Variants in NFIA observed in about 807,000 individuals in gnomAD.
NFIA encodes the protein nuclear factor 1 A-type.
A neutral mutation model predicts 62.8 loss-of-function variants in NFIA; 8 were observed. The observed-to-expected ratio is 0.13, with a 90% confidence interval of 0.07 to 0.23. The LOEUF (loss-of-function observed/expected upper bound fraction) is 0.23. NFIA is among the 10% of genes least tolerant of loss of function. The pLI, the probability that NFIA is intolerant of heterozygous loss-of-function variation, is 1.00. For missense variants in NFIA, 410 were observed against 642.1 expected, an observed-to-expected ratio of 0.64 and a Z score of 3.91; for synonymous variants, 235 against 238.1, an observed-to-expected ratio of 0.99 and a Z score of 0.12.
At chr1:61,297,828 A>G (rs1659269239) in intron 3 of NFIA, among the ~76,000 whole-genome samples, 1 of 152,204 alleles carries the variant, frequency 6.6e-6, no homozygotes, top group African/African-American at 2.4e-5. Context: ...AGGGACAGGA[A>G]GCGGAAAGTT....
chr1:61,195,856 A>C lies in NFIA; in HGVS notation c.560-81664A>C, dbSNP rs536377888. 1.3e-4 allele frequency among the ~76,000 whole-genome samples: 20 copies of C among 152,280 alleles called. 1 individual carries two copies. The South Asian group carries it at 4.1e-3, about 32-fold the overall frequency. ...TTATTAACTTAGTTCTTGTGTGAGA[A>C]AGAAATGTGACGTATAAAGAAAGCA... On this transcript the variant is annotated intron_variant, in intron 2 of 10. Coordinates refer to ENST00000403491, the MANE Select transcript of NFIA (RefSeq NM_001134673.4).
chr1:61,162,738 G>T (rs1294340997), intron 2 of NFIA, among the ~76,000 whole-genome samples: 3 of 152,036 alleles, frequency 2.0e-5, no homozygotes, highest in African/African-American at 7.3e-5. Flanking sequence ...CGTAGCTGTG[G>T]TGTCTGCTGC....
intron 2 of NFIA, among the ~76,000 whole-genome samples, chr1:61,178,876 C>T (rs548412066): frequency 6.6e-6 from 1 of 152,322 alleles, no homozygotes; most frequent in South Asian, 2.1e-4. Context: ...GGCATATACT[C>T]AATAACGGAT....
Position 61,455,491 on chromosome 1 carries a change from G to A in NFIA, c.*171G>A, listed in dbSNP as rs1668260780. The A allele has an allele frequency of 2.0e-6, 2 of 1,024,882 alleles. No homozygotes were observed. The highest frequency in any genetic ancestry group is 1.5e-6 in the Non-Finnish European group (1 of 685,934). 63.5% of individuals were successfully genotyped at this position (1,024,882 alleles called of 1,614,324 possible). ...AAACAGCAAGCATTATGGTCAAACA[G>A]CAAAGGCCATAACCTTTTGGGATTT... On this transcript the variant is annotated 3_prime_UTR_variant, in exon 11 of 11. Transcript: ENST00000403491.
intron 2 of NFIA, among the ~76,000 whole-genome samples, chr1:61,166,510 A>G (rs535075848): frequency 6.6e-6 from 1 of 152,228 alleles, no homozygotes; most frequent in African/African-American, 2.4e-5. Context: ...TAAATGTATG[A>G]TAATGTACTT....
intron 10 of NFIA, among the ~76,000 whole-genome samples, chr1:61,450,615 T>C (rs1668015146): frequency 6.6e-6 from 1 of 152,188 alleles, no homozygotes; most frequent in Non-Finnish European, 1.5e-5. Context: ...TTCCGTTTTA[T>C]GTGTGTGAAT....
chr1:61,102,171 A>G (rs1421708348), intron 2 of NFIA, among the ~76,000 whole-genome samples: 1 of 152,222 alleles, frequency 6.6e-6, no homozygotes, highest in East Asian at 1.9e-4. Flanking sequence ...GAACACTGTA[A>G]ATAAAAATGG....
intron 2 of NFIA, among the ~76,000 whole-genome samples, chr1:61,110,064 G>A (rs1025331065): frequency 6.6e-6 from 1 of 151,618 alleles, no homozygotes; most frequent in African/African-American, 2.4e-5. Flanking sequence ...AGAGATAAGG[G>A]GGGCAGAGAG....
At chr1:61,337,495 G>A (rs1378832302) in intron 4 of NFIA, among the ~76,000 whole-genome samples, 1 of 152,072 alleles carries the variant, frequency 6.6e-6, no homozygotes, top group Non-Finnish European at 1.5e-5. Context: ...TTGTTCCAGG[G>A]GAGGAGGAAA....
intron 2 of NFIA, among the ~76,000 whole-genome samples, chr1:61,235,507 A>AAAT (rs765423106): frequency 0.07 from 9,678 of 138,262 alleles, 415 homozygotes; most frequent in African/African-American, 0.12. Context: ...AATAAATAAA[A>AAAT]ATAAAAAATA....
At chr1:61,086,698 A>G (rs918406954) in intron 1 of NFIA, among the ~76,000 whole-genome samples, 18 of 152,306 alleles carry the variant, frequency 1.2e-4, no homozygotes, top group African/African-American at 4.1e-4. Context: ...ATGATTGATT[A>G]TAATTTGCTA....
chr1:61,365,225 GC>G (rs1352814738), intron 6 of NFIA, among the ~76,000 whole-genome samples: 2 of 151,896 alleles, frequency 1.3e-5, no homozygotes, highest in African/African-American at 4.8e-5. Flanking sequence ...AGAATCTCAC[GC>G]CCCACCTAGA....
rs1656223529 is a variant in NFIA at position 61,254,076 on chromosome 1, A to T, written c.560-23444A>T. ...AAGGTGTTTGAGTAAGACTTCATAA[A>T]CATAAAGTACTTTGTGTGGGTTTGT... On this transcript the variant is annotated intron_variant, in intron 2 of 10. Transcript: ENST00000403491. Among the ~76,000 whole-genome samples, 3 of 152,190 alleles carry T rather than the reference A, an allele frequency of 2.0e-5. No individual in the cohort carries two copies. The South Asian group carries it at 6.2e-4, about 31-fold the overall frequency.
chr1:61,267,441 G>A lies in NFIA; in HGVS notation c.560-10079G>A, dbSNP rs576623497. On this transcript the variant is annotated intron_variant, in intron 2 of 10. Transcript: ENST00000403491. ...GGAGAATCACTTGAACTCAGGAGGC[G>A]GAGGTTGCAGTGAGCCGAGATTGCA... Among the ~76,000 whole-genome samples the A allele has an allele frequency of 1.5e-3, 232 of 152,176 alleles. 2 individuals carry two copies. Among genetic ancestry groups the A allele is most frequent in the Non-Finnish European group, 2.8e-3 (189 of 67,992 alleles).
At chr1:61,161,395 A>T (rs116095758) in intron 2 of NFIA, among the ~76,000 whole-genome samples, 34 of 152,304 alleles carry the variant, frequency 2.2e-4, no homozygotes, top group African/African-American at 7.2e-4. Flanking sequence ...TCTAGACACA[A>T]GTCTGATTTT....
intron 3 of NFIA, among the ~76,000 whole-genome samples, chr1:61,325,750 C>T (rs1014485891): frequency 1.3e-5 from 2 of 151,868 alleles, no homozygotes; most frequent in Non-Finnish European, 2.9e-5. Flanking sequence ...AACCCCATCT[C>T]TACTAAAAAT....
In NFIA at chr1:61,318,835, T is replaced by C. The variant is rs143355576; in HGVS notation, c.626-13677T>C. On this transcript the variant is annotated intron_variant, in intron 3 of 10. Transcript: ENST00000403491. ...TTTTGCCCGACTCAAGGTATTTGCA[T>C]AGAGGAAAGGCCACCTTCTACCGAA... Among the ~76,000 whole-genome samples the C allele has an allele frequency of 2.6e-4, 39 of 152,240 alleles. No individual in the cohort carries two copies. In the East Asian group the frequency reaches 6.6e-3, roughly 26 times the overall value.
intron 2 of NFIA, among the ~76,000 whole-genome samples, chr1:61,188,894 A>G (rs1012856381): frequency 3.3e-5 from 5 of 152,196 alleles, no homozygotes; most frequent in African/African-American, 1.2e-4. Context: ...TCTGGGTCAA[A>G]TTACTTAGGT....
intron 10 of NFIA, among the ~76,000 whole-genome samples, chr1:61,440,665 C>CT (rs530161213): frequency 0.011 from 1,567 of 146,660 alleles, 25 homozygotes; most frequent in African/African-American, 0.037. Flanking sequence ...CCTCCCGATG[C>CT]TTTTTTTTTT....
Sources: gnomAD v4.1 joint callset for allele counts (sites outside exome capture counted in the v4.1 genomes callset) on GRCh38, gnomAD v4.1.1 for gene constraint, MANE v1.5 for transcripts, NCBI Gene and HGNC (gene_info 2026-07-23, HGNC 2026-07-21) for gene names.